DOK6: variants seen among roughly 807,000 people sequenced by gnomAD.
DOK6 encodes docking protein 6.
DOK6 carries 22 observed loss-of-function variants against 44.0 expected under a neutral mutation model. The ratio of observed to expected loss-of-function variants is 0.50; its 90% confidence interval spans 0.36 to 0.71. The LOEUF is 0.71. DOK6 is among the 30% of genes least tolerant of loss of function. The pLI, the probability that DOK6 is intolerant of heterozygous loss-of-function variation, is 0.00. For missense variants in DOK6, 340 were observed against 416.4 expected (o/e 0.82, Z 1.60); for synonymous variants, 166 against 145.5 (o/e 1.14, Z -1.01).
chr18:69,610,028 A>G (rs557192907), intron 3 of DOK6, among the ~76,000 whole-genome samples: 2 of 152,344 alleles, frequency 1.3e-5, no homozygotes, highest in African/African-American at 2.4e-5. Context: ...GGGCTAACCA[A>G]TGGGCATAAA....
At chr18:69,652,254 AAAT>A (rs1985248940) in intron 3 of DOK6, among the ~76,000 whole-genome samples, 1 of 152,246 alleles carries the variant, frequency 6.6e-6, no homozygotes, top group Non-Finnish European at 1.5e-5. Flanking sequence ...AATACACTAA[AAAT>A]AATATAAAAA....
chr18:69,412,098 G>A (rs879316976), intron 1 of DOK6, among the ~76,000 whole-genome samples: 9 of 151,974 alleles, frequency 5.9e-5, no homozygotes, highest in Admixed American at 1.3e-4. Context: ...CGATGCCTTC[G>A]AATATATATA....
chr18:69,684,293 A>G (rs1490125420), intron 4 of DOK6, among the ~76,000 whole-genome samples: 2 of 152,232 alleles, frequency 1.3e-5, no homozygotes. Flanking sequence ...GCTTCAGGAA[A>G]GCAAAAGATG....
At chr18:69,411,252 C>G (rs548397549) in intron 1 of DOK6, among the ~76,000 whole-genome samples, 1 of 152,186 alleles carries the variant, frequency 6.6e-6, no homozygotes, top group South Asian at 2.1e-4. Flanking sequence ...GAGAAAAGAT[C>G]CAGAATAAGG....
At chr18:69,803,870 A>T (rs1020705150) in intron 7 of DOK6, among the ~76,000 whole-genome samples, 1 of 152,150 alleles carries the variant, frequency 6.6e-6, no homozygotes, top group African/African-American at 2.4e-5. Context: ...AAAAATATAT[A>T]TATAGCTATG....
intron 4 of DOK6, among the ~76,000 whole-genome samples, chr18:69,678,509 G>A (rs575335363): frequency 1.3e-5 from 2 of 152,132 alleles, no homozygotes; most frequent in Non-Finnish European, 2.9e-5. Flanking sequence ...TCAGGTTATC[G>A]GTAGCTTTTA....
intron 2 of DOK6, among the ~76,000 whole-genome samples, chr18:69,581,715 C>T (rs1341621412): frequency 1.3e-5 from 2 of 152,200 alleles, no homozygotes; most frequent in Non-Finnish European, 2.9e-5. Flanking sequence ...ACTGAAAAAG[C>T]AGAATGATCA....
intron 1 of DOK6, among the ~76,000 whole-genome samples, chr18:69,429,714 G>T (rs1192183100): frequency 7.1e-6 from 1 of 141,612 alleles, no homozygotes; most frequent in East Asian, 2.0e-4. Context: ...CACCTCTAAT[G>T]CAGTGTCTGT....
chr18:69,819,726 G>A (rs560697975), intron 7 of DOK6, among the ~76,000 whole-genome samples: 2 of 152,230 alleles, frequency 1.3e-5, no homozygotes, highest in East Asian at 3.9e-4. Flanking sequence ...CTATGAGTTT[G>A]ATGATTTTAG....
intron 4 of DOK6, among the ~76,000 whole-genome samples, chr18:69,694,089 A>AAAAAAAAAAAAAAAAT (rs1372739323): frequency 1.0e-4 from 15 of 144,314 alleles, no homozygotes; most frequent in Non-Finnish European, 2.0e-4. Context: ...AAAAAAAAAA[A>AAAAAAAAAAAAAAAAT]ATTGATCTAT....
intron 4 of DOK6, among the ~76,000 whole-genome samples, chr18:69,682,891 A>G (rs908975121): frequency 6.6e-6 from 1 of 152,174 alleles, no homozygotes; most frequent in African/African-American, 2.4e-5. Flanking sequence ...AGCTTTCTCA[A>G]TCAGGCAAGT....
rs73970180 is a variant in DOK6, at chr18:69,577,542, A to G, written c.174+12948A>G. Among the ~76,000 whole-genome samples, 287 of 152,270 alleles carry G rather than the reference A, an allele frequency of 1.9e-3. 1 individual carries two copies. The highest frequency in any genetic ancestry group is 6.6e-3 in the African/African-American group (275 of 41,552). On this transcript the variant is annotated intron_variant, in intron 2 of 7. Coordinates refer to ENST00000382713, the MANE Select transcript of DOK6 (RefSeq NM_152721.6). Reference sequence around the variant, plus strand: ...GTGACACCTCAATTCACAATCATTTACTGATTGATTTACTTATATTACCAC... The same window carrying G: ...GTGACACCTCAATTCACAATCATTTGCTGATTGATTTACTTATATTACCAC...
intron 5 of DOK6, among the ~76,000 whole-genome samples, chr18:69,704,539 C>T (rs1325710557): frequency 5.2e-5 from 7 of 135,266 alleles, no homozygotes; most frequent in African/African-American, 8.5e-5. Flanking sequence ...AGTGCAGTGG[C>T]GCAATCTCGG....
At chr18:69,769,112 T>A (rs1454761459) in intron 7 of DOK6, among the ~76,000 whole-genome samples, 2 of 152,094 alleles carry the variant, frequency 1.3e-5, no homozygotes, top group African/African-American at 4.8e-5. Flanking sequence ...TTTGTTTTAC[T>A]ATTCATAATA....
chr18:69,524,576 A>C (rs1981777680), intron 1 of DOK6, among the ~76,000 whole-genome samples: 1 of 151,956 alleles, frequency 6.6e-6, no homozygotes. Context: ...AATTACAATA[A>C]TCACAAATAT....
Position 69,480,015 on chromosome 18 carries a change from C to T in DOK6, c.66+78705C>T, listed in dbSNP as rs181795532. The stretch of plus-strand genomic sequence containing the variant: ...GCACACTCAAAACTCATTTATTTCT[C>T]CAGCTTCTAAACTAATGAGGTGTTA... On this transcript the variant is annotated intron_variant, in intron 1 of 7. Transcript: ENST00000382713. Among the ~76,000 whole-genome samples the T allele has an allele frequency of 1.6e-4, 24 of 152,166 alleles. No individual in the cohort carries two copies. In the East Asian group the frequency reaches 3.7e-3, roughly 23 times the overall value.
chr18:69,422,902 A>G (rs1978532935), intron 1 of DOK6, among the ~76,000 whole-genome samples: 1 of 152,182 alleles, frequency 6.6e-6, no homozygotes, highest in Non-Finnish European at 1.5e-5. Flanking sequence ...AGATTTTTTA[A>G]ATATAATATT....
At position 69,768,436 on chromosome 18, in the gene DOK6, C is replaced by A. The variant is rs1229561105; in HGVS notation, c.856+10563C>A. Reference sequence around the variant, plus strand: ...TAGGCTAAGCTTCACAAATTGTAAACTACAAAGAAGAACCTAGAGGGAAAA... The same window carrying A: ...TAGGCTAAGCTTCACAAATTGTAAAATACAAAGAAGAACCTAGAGGGAAAA... On this transcript the variant is annotated intron_variant, in intron 7 of 7. Transcript: ENST00000382713. 2.6e-5 allele frequency among the ~76,000 whole-genome samples: 4 copies of A among 151,780 alleles called. No homozygotes were observed. In the East Asian group the frequency reaches 7.8e-4, roughly 30 times the overall value.
chr18:69,831,195 G>A (rs892939097), intron 7 of DOK6: 1 of 151,948 alleles, frequency 6.6e-6, no homozygotes, highest in Non-Finnish European at 1.5e-5. Flanking sequence ...CAAAGGCCTG[G>A]AGCTCTGATG....
Sources: gnomAD v4.1 joint callset for allele counts (sites outside exome capture counted in the v4.1 genomes callset) on GRCh38, gnomAD v4.1.1 for gene constraint, MANE v1.5 for transcripts, NCBI Gene and HGNC (gene_info 2026-07-23, HGNC 2026-07-21) for gene names.